NR4A1: variants seen among roughly 807,000 people sequenced by gnomAD.
NR4A1 encodes nuclear receptor subfamily 4 group A member 1, also known as nuclear receptor subfamily 4immunitygroup A member 1.
In NR4A1, 24 loss-of-function variants were observed where a neutral mutation model predicts 47.5. The ratio of observed to expected loss-of-function variants is 0.50; its 90% CI spans 0.37 to 0.71. The LOEUF (loss-of-function observed/expected upper bound fraction) is 0.71, where lower values mean the gene tolerates loss of function less well. NR4A1 is among the 30% of genes least tolerant of loss of function. The probability of loss-of-function intolerance (pLI) is 0.00; values close to 1 mark genes in which losing one functional copy is unlikely to be tolerated. For synonymous variants in NR4A1, 353 were observed against 345.7 expected, an observed-to-expected ratio of 1.02 and a Z score of -0.24; for missense variants, 669 against 788.6, an observed-to-expected ratio of 0.85 and a Z score of 1.82.
chr12:52,039,925 G>T (rs112266257), intron 1 of NR4A1, among the ~76,000 whole-genome samples: 1 of 152,208 alleles, frequency 6.6e-6, no homozygotes. Flanking sequence ...GAAGGCCCAC[G>T]TGATGGGACC....
In NR4A1 at chr12:52,058,365, T is replaced by C. The variant is rs531389343; in HGVS notation, c.1541-323T>C. ...GGGAGTGCTGAGTTCTGAGGCTGGG[T>C]TTCTCAGAACAGTCTAGATTTTAAA... On this transcript the variant is annotated intron_variant, in intron 6 of 6. Transcript: ENST00000394825. 6.4e-5 allele frequency: 20 copies of C among 314,482 alleles called. No individual in the cohort carries two copies. In the South Asian group the frequency reaches 1.5e-3, roughly 23 times the overall value. 19.5% of individuals were successfully genotyped at this position (314,482 alleles called of 1,614,324 possible). A position where few individuals can be genotyped will look rare whatever the true frequency, so the allele number is the denominator to read the frequency against.
At chr12:52,054,267 AG>A in intron 1 of NR4A1, 59 bp from the exon 2 acceptor site, 1 of 1,418,394 alleles carries the variant, frequency 7.1e-7, no homozygotes, top group Non-Finnish European at 9.6e-7. Flanking sequence ...CTTTGAGACA[AG>A]GCTATAGGCT....
At chr12:52,032,606 A>T (rs1938149785) in intron 1 of NR4A1, among the ~76,000 whole-genome samples, 1 of 152,164 alleles carries the variant, frequency 6.6e-6, no homozygotes, top group Non-Finnish European at 1.5e-5. Context: ...CGGGGACAGG[A>T]GCTGTGTCTG....
chr12:52,054,075 G>C (rs1318811534), intron 1 of NR4A1: 5 of 524,676 alleles, frequency 9.5e-6, no homozygotes, highest in Admixed American at 3.6e-5. Context: ...AGGCTGACTA[G>C]GGTGTGGCTG....
At chr12:52,029,089 C>T (rs1938062981) in intron 1 of NR4A1, among the ~76,000 whole-genome samples, 1 of 152,158 alleles carries the variant, frequency 6.6e-6, no homozygotes, top group African/African-American at 2.4e-5. Context: ...AGGTGGGAAG[C>T]CCCCAGCTGG....
intron 2 of NR4A1, among the ~76,000 whole-genome samples, chr12:52,043,103 C>T (rs1938499093): frequency 2.6e-5 from 4 of 152,176 alleles, no homozygotes; most frequent in Admixed American, 2.0e-4. Context: ...GCCTCCTGTT[C>T]TGGGGGCAGG....
At chr12:52,055,681 AC>A (rs1177762377) in intron 2 of NR4A1, 11 of 167,862 alleles carry the variant, frequency 6.6e-5, no homozygotes, top group East Asian at 4.4e-4. Context: ...TCCCGTCCCC[AC>A]CCCCCAGCCC....
At chr12:52,041,854 C>A in exon 2 of NR4A1, 1 of 1,520,340 alleles carries the variant, frequency 6.6e-7, no homozygotes. Context: ...TCCCAGGCAG[C>A]CTGGCTCCTT....
chr12:52,035,611 G>A (rs1024503897), intron 1 of NR4A1, among the ~76,000 whole-genome samples: 15 of 152,166 alleles, frequency 9.9e-5, no homozygotes, highest in African/African-American at 3.6e-4. Context: ...CCAACGCCTT[G>A]TCATTTTTGA....
At chr12:52,032,800 T>C (rs1028370788) in intron 1 of NR4A1, among the ~76,000 whole-genome samples, 14 of 152,134 alleles carry the variant, frequency 9.2e-5, no homozygotes, top group African/African-American at 2.4e-4. Flanking sequence ...GAGGTGTATC[T>C]GGAAAGACAG....
At chr12:52,025,129 G>C (rs1937977043) in intron 1 of NR4A1, among the ~76,000 whole-genome samples, 1 of 144,470 alleles carries the variant, frequency 6.9e-6, no homozygotes, top group Non-Finnish European at 1.5e-5. Context: ...GCACAACCCC[G>C]GCTCACTGCA....
At chr12:52,042,460 G>A (rs1258789895) in intron 2 of NR4A1, among the ~76,000 whole-genome samples, 1 of 152,122 alleles carries the variant, frequency 6.6e-6, no homozygotes, top group Non-Finnish European at 1.5e-5. Flanking sequence ...GGTGTCGGGG[G>A]TGGCCTCTGT....
chr12:52,058,654 C>T, intron 6 of NR4A1, 34 bp from the exon 7 acceptor site: 2 of 1,519,074 alleles, frequency 1.3e-6, no homozygotes, highest in Non-Finnish European at 1.8e-6. Context: ...GCCTGGTTCT[C>T]AGATGTACAG....
intron 2 of NR4A1, among the ~76,000 whole-genome samples, chr12:52,044,829 G>A (rs764229534): frequency 4.6e-5 from 7 of 152,126 alleles, no homozygotes; most frequent in Non-Finnish European, 8.8e-5. Flanking sequence ...AGACTGAGAG[G>A]GAAACTGAGG....
At chr12:52,042,027 G>C (rs1316994747) in intron 2 of NR4A1, 1 of 1,218,132 alleles carries the variant, frequency 8.2e-7, no homozygotes, top group Admixed American at 4.1e-5. Context: ...GTGGTTAGGG[G>C]GATGGAGGGG....
intron 1 of NR4A1, among the ~76,000 whole-genome samples, chr12:52,039,673 G>A (rs1938366639): frequency 6.6e-6 from 1 of 152,366 alleles, no homozygotes; most frequent in Middle Eastern, 3.4e-3. Flanking sequence ...GCAGGGTTTA[G>A]AGACTGCAGA....
chr12:52,055,082 T>G lies in NR4A1; in HGVS notation c.754T>G (p.Ser252Ala), dbSNP rs1939187969. 1.9e-6 allele frequency: 3 copies of G among 1,614,196 alleles called. No individual in the cohort carries two copies. The highest frequency in any genetic ancestry group is 2.5e-6 in the Non-Finnish European group (3 of 1,180,024). ...GSGILDTPVTSTKARSGAPGG... is the reference protein window; with the variant it reads ...GSGILDTPVTATKARSGAPGG... ...GGGGATACTGGATACACCCGTGACC[T>G]CAACCAAGGCCCGGAGCGGGGCCCC... Residue 252 changes from serine (S) to alanine (A), a missense_variant, in exon 2 of 7, where the codon TCA becomes GCA. By Grantham distance (99) the Ser-to-Ala change is moderately conservative. Coordinates refer to ENST00000394825, the MANE Select transcript of NR4A1 (RefSeq NM_173157.3).
At chr12:52,044,811 A>G (rs2121000443) in intron 2 of NR4A1, among the ~76,000 whole-genome samples, 1 of 152,234 alleles carries the variant, frequency 6.6e-6, no homozygotes, top group Non-Finnish European at 1.5e-5. Flanking sequence ...GCTGGCCAGG[A>G]GCTGAAGAGA....
At chr12:52,051,336 G>A (rs1318932037), upstream of NR4A1, 8 of 945,718 alleles carry the variant, frequency 8.5e-6, no homozygotes, top group Middle Eastern at 5.5e-4. Flanking sequence ...ACCGCCCCCC[G>A]CGCCCTTGTA....
Sources: allele counts gnomAD v4.1 joint callset (sites outside exome capture counted in the v4.1 genomes callset), GRCh38; gene constraint gnomAD v4.1.1; transcripts MANE v1.5; gene names NCBI Gene and HGNC (gene_info 2026-07-23, HGNC 2026-07-21).